The following CNBD1 variants were observed in gnomAD, a reference collection of about 807,000 sequenced individuals.
CNBD1 encodes cyclic nucleotide binding domain containing 1, also known as cyclic nucleotide-binding domain-containing protein 1.
CNBD1 carries 71 observed loss-of-function variants against 54.4 expected under a neutral mutation model. That is an observed-to-expected ratio of 1.30 (90% CI 1.08 to 1.59). The LOEUF is 1.59. CNBD1 is among the 40% of genes most tolerant of loss of function. The pLI is 0.00. For missense variants in CNBD1, 659 were observed against 518.0 expected (o/e 1.27, Z -2.64); for synonymous variants, 182 against 170.7 (o/e 1.07, Z -0.51).
intron 3 of CNBD1, among the ~76,000 whole-genome samples, chr8:86,927,493 T>C (rs185016216): frequency 2.0e-5 from 3 of 152,032 alleles, no homozygotes; most frequent in African/African-American, 7.2e-5. Flanking sequence ...CTATGATCAG[T>C]TGGGGCTTGA....
chr8:87,228,490 G>A (rs201191305), intron 5 of CNBD1, among the ~76,000 whole-genome samples: 28 of 144,986 alleles, frequency 1.9e-4, no homozygotes, highest in South Asian at 6.2e-4. Flanking sequence ...GTCTGTTGGA[G>A]TACCCTGCGG....
chr8:87,308,785 T>G (rs760789047), intron 8 of CNBD1, among the ~76,000 whole-genome samples: 13 of 152,186 alleles, frequency 8.5e-5, no homozygotes, highest in Non-Finnish European at 1.8e-4. Context: ...AATTCTACTC[T>G]GTACCTCCAT....
chr8:87,344,176 T>A (rs2130921982), intron 8 of CNBD1, among the ~76,000 whole-genome samples: 1 of 152,164 alleles, frequency 6.6e-6, no homozygotes, highest in South Asian at 2.1e-4. Flanking sequence ...CAACATAATG[T>A]GTCAAAAATT....
chr8:87,298,631 C>T (rs1213089946), intron 8 of CNBD1, among the ~76,000 whole-genome samples: 1 of 151,666 alleles, frequency 6.6e-6, no homozygotes, highest in Non-Finnish European at 1.5e-5. Context: ...ATTACAGGCT[C>T]CCACCATGAA....
intron 4 of CNBD1, among the ~76,000 whole-genome samples, chr8:87,144,155 C>T (rs17624357): frequency 0.19 from 28,617 of 152,150 alleles, 2,982 homozygotes; most frequent in Middle Eastern, 0.25. Context: ...GAAATTCCTA[C>T]GTTAAGCTTG....
At chr8:87,404,297 C>T (rs1261544628) in intron 2 of CNBD1, among the ~76,000 whole-genome samples, 1 of 152,052 alleles carries the variant, frequency 6.6e-6, no homozygotes, top group Non-Finnish European at 1.5e-5. Context: ...CAAACTGTAA[C>T]AATTCCAAAA....
chr8:87,092,889 T>C (rs1325841964), intron 4 of CNBD1, among the ~76,000 whole-genome samples: 1 of 152,072 alleles, frequency 6.6e-6, no homozygotes, highest in African/African-American at 2.4e-5. Context: ...GCTCATGAAC[T>C]CTCCAAAACC....
rs571511121 is a variant in CNBD1 at position 87,382,715 on chromosome 8, A to G, written c.*88A>G. 9.5e-6 allele frequency: 10 copies of G among 1,049,092 alleles called. No individual in the cohort carries two copies. Among genetic ancestry groups the G allele is most frequent in the Non-Finnish European group, 1.3e-5 (9 of 710,668 alleles). 65.0% of individuals were successfully genotyped at this position (1,049,092 alleles called of 1,614,324 possible). A position where few individuals can be genotyped will look rare whatever the true frequency, so the allele number is the denominator to read the frequency against. On this transcript the variant is annotated 3_prime_UTR_variant, in exon 11 of 11. Transcript: ENST00000518476. ...CATTCTGGAATACTATCAAACTACC[A>G]GCAATGAATTTGGTCTATTGTGACT...
intron 5 of CNBD1, among the ~76,000 whole-genome samples, chr8:87,226,063 A>G (rs1299348795): frequency 2.0e-5 from 3 of 151,850 alleles, no homozygotes; most frequent in Admixed American, 6.6e-5. Flanking sequence ...GGTAGTTTGT[A>G]TTTCTGTGGG....
chr8:87,334,719 C>CTTTTTTTTT (rs758083191), intron 8 of CNBD1, among the ~76,000 whole-genome samples: 1 of 126,160 alleles, frequency 7.9e-6, no homozygotes, highest in African/African-American at 3.1e-5. Context: ...TTTCTTTTTT[C>CTTTTTTTTT]TTTTCTTTTT....
chr8:87,353,860 CTTA>C, intron 10 of CNBD1, 74 bp downstream of exon 10: 1 of 1,158,856 alleles, frequency 8.6e-7, no homozygotes, highest in Non-Finnish European at 1.2e-6. Context: ...AATTTTTTTC[CTTA>C]TTAATCAGAT....
chr8:87,135,306 A>G (rs1812205812), intron 4 of CNBD1, among the ~76,000 whole-genome samples: 1 of 152,042 alleles, frequency 6.6e-6, no homozygotes, highest in African/African-American at 2.4e-5. Flanking sequence ...GGAAAAGCAA[A>G]TGTATTTAAC....
At chr8:87,327,115 CG>C (rs1809688512) in intron 8 of CNBD1, among the ~76,000 whole-genome samples, 2 of 145,364 alleles carry the variant, frequency 1.4e-5, no homozygotes, top group South Asian at 4.4e-4. Flanking sequence ...TTAGGCTGCT[CG>C]GGGGTCAGGG....
intron 2 of CNBD1, among the ~76,000 whole-genome samples, chr8:87,394,948 C>A (rs908346119): frequency 6.6e-6 from 1 of 151,740 alleles, no homozygotes; most frequent in Non-Finnish European, 1.5e-5. Context: ...ATTCACTAAC[C>A]CACCAAATTA....
chr8:87,216,454 G>C (rs1172137781), intron 5 of CNBD1, among the ~76,000 whole-genome samples: 5 of 152,128 alleles, frequency 3.3e-5, no homozygotes, highest in Admixed American at 3.3e-4. Flanking sequence ...CCCTCAGAAA[G>C]CACCTTTGCA....
Position 87,365,138 on chromosome 8 carries a change from C to A in CNBD1, c.1303+11352C>A, listed in dbSNP as rs184706551. 3.4e-3 allele frequency among the ~76,000 whole-genome samples: 513 copies of A among 152,186 alleles called. 2 individuals carry two copies. Among genetic ancestry groups the A allele is most frequent in the African/African-American group, 0.011 (442 of 41,552 alleles). On this transcript the variant is annotated intron_variant, in intron 10 of 10. Transcript: ENST00000518476. The stretch of plus-strand genomic sequence containing the variant: ...GTGTATAAGTGTCCCCTTTTCTCCA[C>A]AACCTTGCCAGCATCTGTTATTTTT...
rs192773871 is a variant in CNBD1 at position 87,418,165 on chromosome 8, C to A, written c.214-10381C>A. ...AGGGTATGCATCTGCATTAGTCATA[C>A]TTGTGTGGTGCTGGTATAAGGATAG... On this transcript the variant is annotated intron_variant, in intron 2 of 7. Transcript: ENST00000521593. 3.1e-3 allele frequency among the ~76,000 whole-genome samples: 477 copies of A among 152,066 alleles called. 2 individuals carry two copies. The highest frequency in any genetic ancestry group is 0.011 in the African/African-American group (450 of 41,528).
chr8:87,373,769 A>G (rs1810868246), intron 10 of CNBD1, among the ~76,000 whole-genome samples: 1 of 151,796 alleles, frequency 6.6e-6, no homozygotes, highest in Non-Finnish European at 1.5e-5. Flanking sequence ...ATGAAGAAAA[A>G]GTGTATTTTT....
chr8:87,314,667 T>C lies in CNBD1; in HGVS notation c.1042+27996T>C, dbSNP rs150100765. Among the ~76,000 whole-genome samples, 1,040 of 152,070 alleles carry C rather than the reference T, an allele frequency of 6.8e-3. 11 individuals carry two copies. The highest frequency in any genetic ancestry group is 0.024 in the African/African-American group (981 of 41,520). On this transcript the variant is annotated intron_variant, in intron 8 of 10. Transcript: ENST00000518476. The stretch of plus-strand genomic sequence containing the variant: ...TATCTATGGAAAGTCAATGACAAAA[T>C]TTTTAAGAAATATAAAATTAAGTGA...
Sources: allele counts gnomAD v4.1 joint callset (sites outside exome capture counted in the v4.1 genomes callset), GRCh38; gene constraint gnomAD v4.1.1; transcripts MANE v1.5; gene names NCBI Gene and HGNC (gene_info 2026-07-23, HGNC 2026-07-21).